Variants in ANKRD55 observed in about 807,000 individuals in gnomAD.
The protein encoded by ANKRD55 is ankyrin repeat domain 55.
ANKRD55 carries 41 observed loss-of-function variants against 60.6 expected under a neutral mutation model. The ratio of observed to expected loss-of-function variants is 0.68; its 90% CI spans 0.53 to 0.88. The LOEUF (loss-of-function observed/expected upper bound fraction) is 0.88. Ranked by LOEUF, ANKRD55 falls within the 40% of genes least tolerant of loss-of-function variation. ANKRD55 has a pLI of 0.00. For synonymous variants in ANKRD55, 264 were observed against 290.3 expected (o/e 0.91, Z 0.92); for missense variants, 732 against 767.6 (o/e 0.95, Z 0.55).
chr5:56,210,245 G>A (rs965983345), intron 2 of ANKRD55, among the ~76,000 whole-genome samples: 1 of 151,972 alleles, frequency 6.6e-6, no homozygotes, highest in African/African-American at 2.4e-5. Flanking sequence ...ATTATCTGTT[G>A]GTATCCTTTC....
At chr5:56,159,713 C>T in intron 6 of ANKRD55, 120 bp downstream of exon 6, 1 of 991,376 alleles carries the variant, frequency 1.0e-6, no homozygotes, top group Admixed American at 1.8e-5. Context: ...AGGGTAGGAA[C>T]ACAGAACCAT....
At chr5:56,230,142 T>G (rs180708173) in intron 2 of ANKRD55, among the ~76,000 whole-genome samples, 1 of 152,204 alleles carries the variant, frequency 6.6e-6, no homozygotes, top group East Asian at 1.9e-4. Flanking sequence ...TGTCGCCAGG[T>G]TGGAGTGCAG....
chr5:56,115,958 T>C (rs995371506), intron 9 of ANKRD55, among the ~76,000 whole-genome samples: 7 of 151,866 alleles, frequency 4.6e-5, no homozygotes, highest in African/African-American at 1.7e-4. Flanking sequence ...AGGTTCAAGC[T>C]ATTCTCTTGC....
At chr5:56,195,065 G>A (rs1231021575) in intron 2 of ANKRD55, among the ~76,000 whole-genome samples, 1 of 152,150 alleles carries the variant, frequency 6.6e-6, no homozygotes, top group Non-Finnish European at 1.5e-5. Flanking sequence ...AAAATGCAGA[G>A]TGCTTAAATG....
intron 6 of ANKRD55, among the ~76,000 whole-genome samples, chr5:56,148,159 G>A (rs1436196398): frequency 6.6e-6 from 1 of 152,212 alleles, no homozygotes; most frequent in Non-Finnish European, 1.5e-5. Flanking sequence ...AAGATCACTT[G>A]GACTCATAGG....
At chr5:56,216,499 A>G (rs756688966) in intron 2 of ANKRD55, among the ~76,000 whole-genome samples, 16 of 152,274 alleles carry the variant, frequency 1.1e-4, no homozygotes, top group Non-Finnish European at 2.4e-4. Context: ...GTTGAAAGCT[A>G]AAACAGACCA....
intron 2 of ANKRD55, among the ~76,000 whole-genome samples, chr5:56,229,081 G>A (rs947206844): frequency 7.0e-6 from 1 of 143,868 alleles, no homozygotes; most frequent in Non-Finnish European, 1.5e-5. Flanking sequence ...ACCTCCCGCC[G>A]ACCCCTCGCC....
intron 6 of ANKRD55, among the ~76,000 whole-genome samples, chr5:56,150,471 G>T (rs1236172074): frequency 1.3e-5 from 2 of 152,210 alleles, no homozygotes. Context: ...GGGTATGGTG[G>T]TATGCGCCTG....
rs141834204 is a variant in ANKRD55, at chr5:56,160,572, A to G, written c.423-679T>C. On this transcript the variant is annotated intron_variant, in intron 5 of 11. Coordinates refer to ENST00000341048, the MANE Select transcript of ANKRD55 (RefSeq NM_024669.3). ...TTTATTCTTTATACACACATGCCTA[A>G]GCACAAGATTCACTTTATAGAAACT... Among the ~76,000 whole-genome samples, 577 of 152,318 alleles carry G rather than the reference A, an allele frequency of 3.8e-3. 5 individuals carry two copies. Among genetic ancestry groups the G allele is most frequent in the Non-Finnish European group, 3.4e-3 (231 of 68,038 alleles).
intron 4 of ANKRD55, among the ~76,000 whole-genome samples, chr5:56,172,839 CT>C (rs749832642): frequency 6.6e-6 from 1 of 152,172 alleles, no homozygotes; most frequent in Non-Finnish European, 1.5e-5. Context: ...TTGGGTCCTT[CT>C]TGTTGTATCC....
chr5:56,169,709 T>C (rs986933757), intron 5 of ANKRD55, among the ~76,000 whole-genome samples: 1 of 152,190 alleles, frequency 6.6e-6, no homozygotes, highest in African/African-American at 2.4e-5. Context: ...GGCCTTGGGC[T>C]CCTCAACCCA....
At chr5:56,158,939 C>T (rs1758258864) in intron 6 of ANKRD55, among the ~76,000 whole-genome samples, 1 of 152,196 alleles carries the variant, frequency 6.6e-6, no homozygotes, top group Admixed American at 6.5e-5. Context: ...AGTGAGCCTC[C>T]CACCTTGGCC....
At chr5:56,186,280 A>G (rs991404919) in intron 2 of ANKRD55, among the ~76,000 whole-genome samples, 8 of 152,142 alleles carry the variant, frequency 5.3e-5, no homozygotes, top group Admixed American at 5.2e-4. Flanking sequence ...TGATCCACCC[A>G]TCTCAGCCTC....
intron 10 of ANKRD55, among the ~76,000 whole-genome samples, chr5:56,108,723 T>C (rs994848524): frequency 2.0e-5 from 3 of 152,174 alleles, no homozygotes; most frequent in African/African-American, 4.8e-5. Flanking sequence ...AAAAAATATA[T>C]GGCCCTTTTC....
intron 2 of ANKRD55, among the ~76,000 whole-genome samples, chr5:56,218,354 G>T (rs1191941803): frequency 6.6e-6 from 1 of 152,054 alleles, no homozygotes; most frequent in East Asian, 1.9e-4. Context: ...ATGAAAGAAG[G>T]AGTCAATTGA....
chr5:56,150,727 G>A (rs555323145), intron 6 of ANKRD55, among the ~76,000 whole-genome samples: 34 of 152,120 alleles, frequency 2.2e-4, no homozygotes, highest in South Asian at 6.2e-4. Flanking sequence ...GTGAAATCCC[G>A]CCTCTACTAA....
chr5:56,228,507 C>T (rs760674226), intron 2 of ANKRD55, among the ~76,000 whole-genome samples: 1 of 151,604 alleles, frequency 6.6e-6, no homozygotes, highest in Non-Finnish European at 1.5e-5. Context: ...CTCACTGCAA[C>T]CTCCGCCTCC....
intron 10 of ANKRD55, chr5:56,110,507 T>C (rs1388861721): frequency 6.5e-6 from 1 of 153,328 alleles, no homozygotes; most frequent in East Asian, 1.9e-4. Context: ...AAAATATCTC[T>C]GGAAGGATAA....
At chr5:56,230,887 A>G (rs369427208) in intron 2 of ANKRD55, among the ~76,000 whole-genome samples, 169 of 152,356 alleles carry the variant, frequency 1.1e-3, no homozygotes, top group Admixed American at 3.2e-3. Flanking sequence ...GTCCAAGGTG[A>G]TAATAACAAC....
Sources: allele counts gnomAD v4.1 joint callset (sites outside exome capture counted in the v4.1 genomes callset), GRCh38; gene constraint gnomAD v4.1.1; transcripts MANE v1.5; gene names NCBI Gene and HGNC (gene_info 2026-07-23, HGNC 2026-07-21).